The following SPRR2G variants were observed in gnomAD, a reference collection of about 807,000 sequenced individuals.
The protein encoded by SPRR2G is small proline-rich protein 2G.
In SPRR2G, 1 loss-of-function variant was observed where a neutral mutation model predicts 0.7. The observed-to-expected ratio is 1.49, with a 90% CI of 0.53 to 7.06. SPRR2G has a LOEUF of 7.06. Ranked by LOEUF, SPRR2G falls within the 30% of genes most tolerant of loss-of-function variation. The probability of loss-of-function intolerance (pLI) is 0.14; values close to 1 mark genes in which losing one functional copy is unlikely to be tolerated. For synonymous variants in SPRR2G, 38 were observed against 33.9 expected (o/e 1.12, Z -0.42); for missense variants, 96 against 88.5 (o/e 1.09, Z -0.34).
At chr1:153,165,759 G>T in the SPRR2G span, among the ~76,000 whole-genome samples, 3 of 152,194 alleles carry the variant, frequency 2.0e-5, no homozygotes, top group Non-Finnish European at 1.5e-5. Flanking sequence ...AGGGAAATCA[G>T]AGTTCCACAG....
In SPRR2G at chr1:153,150,098, G is replaced by T; in HGVS notation, c.13C>A (p.Gln5Lys). 1.2e-6 allele frequency: 2 copies of T among 1,612,394 alleles called. No homozygotes were observed. Among genetic ancestry groups the T allele is most frequent in the Non-Finnish European group, 1.7e-6 (2 of 1,179,844 alleles). The change falls in exon 2 of 2, where the codon CAG becomes AAG. Residue 5 changes from glutamine (Q) to lysine (K), a missense_variant. By Grantham distance (53) the Gln-to-Lys change is moderately conservative. Coordinates refer to ENST00000368748, the MANE Select transcript of SPRR2G (RefSeq NM_001014291.4). ...TGGCAGGGCTGCTTGCACTGCTGCTGCTGGTAAGACATCTCTCCTCAGTCT... is the reference window on the plus strand; with the variant it reads ...TGGCAGGGCTGCTTGCACTGCTGCTTCTGGTAAGACATCTCTCCTCAGTCT... The part of the protein sequence containing the change: MSYQ[Q>K]QQCKQPCQPP...
chr1:153,164,228 T>C, the SPRR2G span, among the ~76,000 whole-genome samples: 1 of 152,184 alleles, frequency 6.6e-6, no homozygotes, highest in African/African-American at 2.4e-5. Context: ...ATTATCTAAG[T>C]GCCCTTGGGC....
the SPRR2G span, among the ~76,000 whole-genome samples, chr1:153,185,705 C>T: frequency 8.6e-5 from 13 of 151,256 alleles, no homozygotes; most frequent in African/African-American, 3.2e-4. Flanking sequence ...TTTCATGTCT[C>T]TATCTCCTTC....
At chr1:153,198,413 G>A in the SPRR2G span, among the ~76,000 whole-genome samples, 3 of 152,176 alleles carry the variant, frequency 2.0e-5, no homozygotes, top group African/African-American at 7.2e-5. Context: ...GAGACTCTTT[G>A]GAGACAGGGA....
At chr1:153,199,905 C>A in the SPRR2G span, among the ~76,000 whole-genome samples, 13 of 152,018 alleles carry the variant, frequency 8.6e-5, no homozygotes, top group African/African-American at 3.1e-4. Flanking sequence ...TTCTGACCAT[C>A]ATGCAGGTTC....
the SPRR2G span, among the ~76,000 whole-genome samples, chr1:153,168,457 T>C: frequency 1.3e-5 from 2 of 152,256 alleles, no homozygotes; most frequent in Non-Finnish European, 2.9e-5. Context: ...TCATTAATTC[T>C]GTACCTATAT....
chr1:153,167,877 T>G, the SPRR2G span, among the ~76,000 whole-genome samples: 1 of 152,236 alleles, frequency 6.6e-6, no homozygotes, highest in African/African-American at 2.4e-5. Flanking sequence ...AAAATACATT[T>G]TATTTAATCA....
At chr1:153,152,983 G>C (rs367928299), upstream of SPRR2G, among the ~76,000 whole-genome samples, 1 of 152,114 alleles carries the variant, frequency 6.6e-6, no homozygotes, top group African/African-American at 2.4e-5. Flanking sequence ...TTTATAGAGA[G>C]AGAAAATAGC....
At chr1:153,156,357 C>A in the SPRR2G span, among the ~76,000 whole-genome samples, 1 of 152,134 alleles carries the variant, frequency 6.6e-6, no homozygotes, top group East Asian at 1.9e-4. Context: ...TTTGGGGCTC[C>A]TATATTTGGA....
At chr1:153,187,330 A>G in the SPRR2G span, among the ~76,000 whole-genome samples, 3 of 152,120 alleles carry the variant, frequency 2.0e-5, no homozygotes, top group Non-Finnish European at 4.4e-5. Context: ...TCACTTTCAC[A>G]TACACCAATC....
the SPRR2G span, among the ~76,000 whole-genome samples, chr1:153,178,380 G>A: frequency 6.6e-6 from 1 of 152,040 alleles, no homozygotes; most frequent in Non-Finnish European, 1.5e-5. Context: ...GTAGTAAATT[G>A]GGATATACTT....
At chr1:153,190,629 C>T in the SPRR2G span, 3 of 152,178 alleles carry the variant, frequency 2.0e-5, no homozygotes, top group East Asian at 5.8e-4. Context: ...ACATCTCTGC[C>T]TCAATGGAAT....
At chr1:153,198,696 G>A in the SPRR2G span, among the ~76,000 whole-genome samples, 8 of 152,202 alleles carry the variant, frequency 5.3e-5, no homozygotes, top group Non-Finnish European at 1.2e-4. Context: ...AGAGGGGCAT[G>A]TTAGGAAAAA....
At chr1:153,189,139 T>C in the SPRR2G span, among the ~76,000 whole-genome samples, 3 of 152,364 alleles carry the variant, frequency 2.0e-5, no homozygotes, top group East Asian at 5.8e-4. Context: ...TTATCTATGT[T>C]CTTGAAAGAG....
the SPRR2G span, among the ~76,000 whole-genome samples, chr1:153,164,658 A>G: frequency 6.6e-6 from 1 of 152,190 alleles, no homozygotes; most frequent in Non-Finnish European, 1.5e-5. Context: ...AATCATCTTT[A>G]GATTACTTAT....
the SPRR2G span, among the ~76,000 whole-genome samples, chr1:153,170,848 G>C: frequency 1.3e-5 from 2 of 152,142 alleles, no homozygotes; most frequent in Non-Finnish European, 2.9e-5. Context: ...ATTCAGGCCA[G>C]GACCCCACAA....
At chr1:153,202,605 C>T in the SPRR2G span, among the ~76,000 whole-genome samples, 1 of 152,162 alleles carries the variant, frequency 6.6e-6, no homozygotes, top group Non-Finnish European at 1.5e-5. Flanking sequence ...TCATGGGCAC[C>T]CAGACCCATG....
At chr1:153,201,346 A>G in the SPRR2G span, among the ~76,000 whole-genome samples, 587 of 152,358 alleles carry the variant, frequency 3.9e-3, 4 homozygotes, top group African/African-American at 0.014. Flanking sequence ...TGATTCACTG[A>G]GAACTTCTTG....
chr1:153,163,304 A>G, the SPRR2G span, among the ~76,000 whole-genome samples: 72,811 of 152,044 alleles, frequency 0.48, 18,562 homozygotes, highest in East Asian at 0.64. Flanking sequence ...ATTATCTCAT[A>G]GGTGAGGTTA....
Sources: gnomAD v4.1 joint callset for allele counts (sites outside exome capture counted in the v4.1 genomes callset) on GRCh38, gnomAD v4.1.1 for gene constraint, MANE v1.5 for transcripts, NCBI Gene and HGNC (gene_info 2026-07-23, HGNC 2026-07-21) for gene names.